The following CDH18 variants were observed in gnomAD, a reference collection of about 807,000 sequenced individuals.
CDH18 encodes cadherin-18.
Under a neutral mutation model 67.9 loss-of-function variants are expected in CDH18, and 31 were observed. The ratio of observed to expected loss-of-function variants is 0.46; its 90% CI spans 0.34 to 0.62. The LOEUF is 0.62. CDH18 is among the 20% of genes least tolerant of loss of function. The probability of loss-of-function intolerance (pLI) is 0.01; values close to 1 mark genes in which losing one functional copy is unlikely to be tolerated. For missense variants in CDH18, 890 were observed against 975.5 expected, an observed-to-expected ratio of 0.91 and a Z score of 1.17; for synonymous variants, 362 against 347.2, an observed-to-expected ratio of 1.04 and a Z score of -0.48.
At chr5:19,517,589 T>A (rs1746232228) in intron 10 of CDH18, among the ~76,000 whole-genome samples, 1 of 152,094 alleles carries the variant, frequency 6.6e-6, no homozygotes, top group Non-Finnish European at 1.5e-5. Flanking sequence ...TCTTGCTGCT[T>A]TTACTTTTGC....
rs1017629153 is a variant in CDH18 at position 20,320,889 on chromosome 5, A to G, written c.-579-65384T>C. Among the ~76,000 whole-genome samples, 21 of 152,086 alleles carry G rather than the reference A, an allele frequency of 1.4e-4. 1 individual carries two copies. Among genetic ancestry groups the G allele is most frequent in the Admixed American group, 1.4e-3 (21 of 15,272 alleles). ...CTAGTGGCCAGAACCTGTACATAGT[A>G]TGTACAGGAGTCTTTTTGTCCCCTG... is the stretch of plus-strand genomic sequence containing the variant. On this transcript the variant is annotated intron_variant, in intron 1 of 14. Transcript: ENST00000507958.
Position 19,683,988 on chromosome 5 carries a change from A to G in CDH18, c.643+37359T>C, listed in dbSNP as rs900564456. Among the ~76,000 whole-genome samples the G allele has an allele frequency of 8.5e-5, 13 of 152,136 alleles. No homozygotes were observed. In the East Asian group the frequency reaches 2.5e-3, roughly 29 times the overall value. On this transcript the variant is annotated intron_variant, in intron 5 of 12. Coordinates refer to ENST00000382275, the MANE Select transcript of CDH18 (RefSeq NM_004934.5). ...TGGCACATAATGAATGAGTGAGGAA[A>G]GATTATTGAGCTGCTCTAATCCTCA...
intron 2 of CDH18, among the ~76,000 whole-genome samples, chr5:19,969,525 T>C (rs377528305): frequency 4.0e-5 from 6 of 150,312 alleles, no homozygotes; most frequent in Non-Finnish European, 7.4e-5. Flanking sequence ...TAAAAAATGA[T>C]GAGTTCATGT....
chr5:19,854,426 C>A lies in CDH18; in HGVS notation c.-256-15184G>T, dbSNP rs73764244. ...TTCTAGGAATCTGATCTACAGATTG[C>A]TAAAATATATAATTTCAGTAGAAAA... On this transcript the variant is annotated intron_variant, in intron 2 of 12. Coordinates refer to ENST00000382275, the MANE Select transcript of CDH18 (RefSeq NM_004934.5). 4.0e-3 allele frequency among the ~76,000 whole-genome samples: 614 copies of A among 152,052 alleles called. 3 individuals are homozygous for A. The highest frequency in any genetic ancestry group is 0.014 in the African/African-American group (572 of 41,494).
chr5:19,985,249 A>C (rs1371082015), intron 1 of CDH18, among the ~76,000 whole-genome samples: 1 of 152,082 alleles, frequency 6.6e-6, no homozygotes, highest in Non-Finnish European at 1.5e-5. Context: ...ATTCATTATC[A>C]AAGCAAAAGG....
chr5:19,734,829 C>A (rs1017779924), intron 4 of CDH18, among the ~76,000 whole-genome samples: 12 of 151,998 alleles, frequency 7.9e-5, no homozygotes, highest in African/African-American at 2.9e-4. Flanking sequence ...TTTATGGTTT[C>A]TTTTTGGTGT....
chr5:20,394,505 G>A lies in CDH18; in HGVS notation c.-579-139000C>T, dbSNP rs190138526. On this transcript the variant is annotated intron_variant, in intron 1 of 14. Coordinates refer to the CDH18 transcript ENST00000507958. ...AAGAAAATCTAGGAAAACCTCTTCT[G>A]GGCGTTGGTCTAGGCAAATAATTTA... Among the ~76,000 whole-genome samples, 4 of 151,010 alleles carry A rather than the reference G, an allele frequency of 2.6e-5. No individual in the cohort carries two copies. The East Asian group carries it at 7.7e-4, about 29-fold the overall frequency.
intron 2 of CDH18, among the ~76,000 whole-genome samples, chr5:19,861,818 T>C (rs115361407): frequency 0.013 from 1,912 of 152,266 alleles, 36 homozygotes; most frequent in African/African-American, 0.044. Flanking sequence ...GTTTTCTTTA[T>C]AGTGGGTGGG....
chr5:20,211,260 C>A (rs1433360002), intron 2 of CDH18, among the ~76,000 whole-genome samples: 1 of 152,072 alleles, frequency 6.6e-6, no homozygotes, highest in Non-Finnish European at 1.5e-5. Flanking sequence ...CCGGGAAGCT[C>A]GAACTGGGCA....
chr5:20,550,250 T>G (rs960086094), intron 1 of CDH18, among the ~76,000 whole-genome samples: 1 of 152,134 alleles, frequency 6.6e-6, no homozygotes, highest in Non-Finnish European at 1.5e-5. Flanking sequence ...CTGGGTGTAT[T>G]TTAGAAATTG....
At chr5:20,517,964 T>G (rs10473431) in intron 1 of CDH18, among the ~76,000 whole-genome samples, 74,228 of 151,762 alleles carry the variant, frequency 0.49, 18,288 homozygotes, top group East Asian at 0.58. Flanking sequence ...ATTCTAAATC[T>G]ATATCACAAA....
intron 3 of CDH18, among the ~76,000 whole-genome samples, chr5:19,807,053 G>A (rs1394206839): frequency 6.6e-6 from 1 of 152,202 alleles, no homozygotes; most frequent in East Asian, 1.9e-4. Flanking sequence ...ACAATGGTGT[G>A]TGTATCTAAA....
chr5:20,407,564 A>G (rs1746392525), intron 1 of CDH18, among the ~76,000 whole-genome samples: 1 of 152,010 alleles, frequency 6.6e-6, no homozygotes, highest in South Asian at 2.1e-4. Flanking sequence ...GCCACATAAT[A>G]AAAAGGACCA....
In CDH18 at chr5:19,620,075, C is replaced by CTA. The variant is rs560702038; in HGVS notation, c.644-7476_644-7475dup. Among the ~76,000 whole-genome samples, 4 of 152,282 alleles carry CTA rather than the reference C, an allele frequency of 2.6e-5. No homozygotes were observed. The Middle Eastern group carries it at 0.01, about 388-fold the overall frequency. On this transcript the variant is annotated intron_variant, in intron 5 of 12. Coordinates refer to ENST00000382275, the MANE Select transcript of CDH18 (RefSeq NM_004934.5). ...AAAACACAAGCTACTTAGCTGCAAG[C>CTA]TATGACTCATGGAATTAGCAATCAT...
intron 5 of CDH18, among the ~76,000 whole-genome samples, chr5:19,677,482 T>C (rs1020043082): frequency 2.0e-5 from 3 of 152,054 alleles, no homozygotes; most frequent in Admixed American, 6.6e-5. Context: ...AGTCCATTGA[T>C]ACTATAAAGC....
At chr5:19,728,131 A>T (rs2150615571) in intron 4 of CDH18, among the ~76,000 whole-genome samples, 1 of 152,286 alleles carries the variant, frequency 6.6e-6, no homozygotes, top group East Asian at 1.9e-4. Flanking sequence ...TAAAATAGGA[A>T]TCTAATTTTC....
At chr5:20,065,269 G>A (rs1399735518) in intron 2 of CDH18, among the ~76,000 whole-genome samples, 2 of 151,862 alleles carry the variant, frequency 1.3e-5, no homozygotes, top group African/African-American at 2.4e-5. Context: ...AATGTCATTT[G>A]TGACGTCTTT....
At position 19,956,041 on chromosome 5, in the gene CDH18, T is replaced by A. The variant is rs537087815; in HGVS notation, c.-257+25019A>T. Among the ~76,000 whole-genome samples, 83 of 152,196 alleles carry A rather than the reference T, an allele frequency of 5.5e-4. 2 individuals carry two copies. Among genetic ancestry groups the A allele is most frequent in the African/African-American group, 1.9e-3 (81 of 41,562 alleles). On this transcript the variant is annotated intron_variant, in intron 2 of 12. Coordinates refer to ENST00000382275, the MANE Select transcript of CDH18 (RefSeq NM_004934.5). Reference sequence around the variant, plus strand: ...AATAAGGGGCTACCTTAGAACAACATGATATTTTCATAGTAGTTAGTGAAA... The same window carrying A: ...AATAAGGGGCTACCTTAGAACAACAAGATATTTTCATAGTAGTTAGTGAAA...
chr5:19,770,340 A>G (rs1275879612), intron 3 of CDH18, among the ~76,000 whole-genome samples: 1 of 152,134 alleles, frequency 6.6e-6, no homozygotes, highest in East Asian at 1.9e-4. Context: ...CAGCAGATTA[A>G]CAGTACTTGA....
Sources: allele counts gnomAD v4.1 joint callset (sites outside exome capture counted in the v4.1 genomes callset), GRCh38; gene constraint gnomAD v4.1.1; transcripts MANE v1.5; gene names NCBI Gene and HGNC (gene_info 2026-07-23, HGNC 2026-07-21).